Variants in MED13L observed in about 807,000 individuals in gnomAD.
MED13L encodes the protein mediator of RNA polymerase II transcription subunit 13-like.
In MED13L, 7 loss-of-function variants were observed where a neutral mutation model predicts 220.9. That is an observed-to-expected ratio of 0.03 (90% CI 0.02 to 0.06). The LOEUF is 0.06. Among genes scored for constraint, MED13L ranks in the 10% least tolerant of loss-of-function variants. The pLI is 1.00. For missense variants in MED13L, 1,965 were observed against 2,760.5 expected (o/e 0.71, Z 6.46); for synonymous variants, 1,011 against 1,015.2 (o/e 1.00, Z 0.08).
chr12:116,082,205 T>C (rs922973805), intron 4 of MED13L, among the ~76,000 whole-genome samples: 2 of 152,204 alleles, frequency 1.3e-5, no homozygotes, highest in African/African-American at 4.8e-5. Context: ...TTATTTCATG[T>C]CAAACATTCT....
intron 8 of MED13L, among the ~76,000 whole-genome samples, chr12:116,014,431 T>G (rs1879602731): frequency 6.6e-6 from 1 of 152,228 alleles, no homozygotes; most frequent in Admixed American, 6.5e-5. Flanking sequence ...ACATAAATCT[T>G]GATAAGTGGA....
chr12:116,198,641 C>G (rs754929991), intron 2 of MED13L, among the ~76,000 whole-genome samples: 4 of 152,142 alleles, frequency 2.6e-5, no homozygotes, highest in African/African-American at 7.2e-5. Context: ...GTTGCCATAA[C>G]TTAACAGTTT....
In MED13L at chr12:116,019,342, A is replaced by G. The variant is rs767206247; in HGVS notation, c.891T>C (p.Ser297=). The G allele has an allele frequency of 2.5e-6, 4 of 1,614,010 alleles. No individual in the cohort carries two copies. The South Asian group carries it at 3.3e-5, about 13-fold the overall frequency. ...CAATGTGGCCTCCAGCACTGGCAAC[A>G]CTCTGAGGAACCGGGATGTCATTCT... ...ISQNDIPVPQ[S]VASAGGHIAV... The change falls in exon 7 of 31, where the codon AGT becomes AGC. Residue 297 remains serine (S), a synonymous_variant. Coordinates refer to ENST00000281928, the MANE Select transcript of MED13L (RefSeq NM_015335.5).
At chr12:116,225,033 A>G (rs1156350439) in intron 2 of MED13L, among the ~76,000 whole-genome samples, 1 of 152,172 alleles carries the variant, frequency 6.6e-6, no homozygotes, top group Non-Finnish European at 1.5e-5. Flanking sequence ...GTGCTTTTAA[A>G]GCATCCTCTC....
intron 1 of MED13L, among the ~76,000 whole-genome samples, chr12:116,253,191 G>C (rs974902330): frequency 1.3e-5 from 2 of 151,380 alleles, no homozygotes; most frequent in Non-Finnish European, 2.9e-5. Flanking sequence ...GAACCTGGGT[G>C]GGGGAGGGGG....
At chr12:116,257,029 AGT>A (rs1316783491) in intron 1 of MED13L, among the ~76,000 whole-genome samples, 1 of 152,186 alleles carries the variant, frequency 6.6e-6, no homozygotes, top group African/African-American at 2.4e-5. Flanking sequence ...TCTCCTGGTA[AGT>A]GTAAATCGTT....
intron 4 of MED13L, among the ~76,000 whole-genome samples, chr12:116,030,517 G>A (rs1182232762): frequency 1.3e-5 from 2 of 151,986 alleles, no homozygotes; most frequent in Non-Finnish European, 2.9e-5. Context: ...CAATAAAACG[G>A]AAGGAAGAAA....
rs561444806 is a variant in MED13L, at chr12:116,014,846, C to T, written c.1175+263G>A. Among the ~76,000 whole-genome samples the T allele has an allele frequency of 2.6e-5, 4 of 152,244 alleles. No homozygotes were observed. In the South Asian group the frequency reaches 8.3e-4, roughly 32 times the overall value. On this transcript the variant is annotated intron_variant, in intron 8 of 30. Coordinates refer to ENST00000281928, the MANE Select transcript of MED13L (RefSeq NM_015335.5). ...GTGAATCCCTGTGCCAGCTGTGCTA[C>T]AAAATATTAGGTCAACACCATGCCA...
At chr12:115,965,990 T>A in intron 29 of MED13L, 92 bp downstream of exon 29, 1 of 1,441,502 alleles carries the variant, frequency 6.9e-7, no homozygotes, top group Non-Finnish European at 9.7e-7. Context: ...AGAATAAGAT[T>A]ATGGTGACTA....
chr12:115,968,894 T>TA, intron 28 of MED13L, 46 bp downstream of exon 28: 1 of 1,607,638 alleles, frequency 6.2e-7, no homozygotes, highest in Non-Finnish European at 8.5e-7. Flanking sequence ...ATTATCTTCC[T>TA]AAAGGCTATG....
At chr12:116,207,675 A>G (rs1172815570) in intron 2 of MED13L, among the ~76,000 whole-genome samples, 2 of 152,184 alleles carry the variant, frequency 1.3e-5, no homozygotes, top group African/African-American at 4.8e-5. Context: ...CATGGGAAAA[A>G]GAAGATACAG....
intron 2 of MED13L, among the ~76,000 whole-genome samples, chr12:116,224,718 C>A (rs1868787849): frequency 6.6e-6 from 1 of 152,186 alleles, no homozygotes; most frequent in South Asian, 2.1e-4. Context: ...CAATCTGTCA[C>A]CCAGGCTGGA....
At chr12:116,135,322 G>A (rs1285387994) in intron 2 of MED13L, among the ~76,000 whole-genome samples, 4 of 152,158 alleles carry the variant, frequency 2.6e-5, no homozygotes, top group Non-Finnish European at 5.9e-5. Context: ...ATGCTGAAAG[G>A]AAGCCTAAGT....
intron 4 of MED13L, among the ~76,000 whole-genome samples, chr12:116,047,578 A>T (rs1592984662): frequency 1.3e-5 from 2 of 152,242 alleles, no homozygotes; most frequent in East Asian, 3.8e-4. Flanking sequence ...GAAACAGAAA[A>T]TTAAAGAAAA....
intron 4 of MED13L, among the ~76,000 whole-genome samples, chr12:116,043,312 A>G (rs1258702711): frequency 2.6e-5 from 4 of 152,238 alleles, no homozygotes; most frequent in African/African-American, 7.2e-5. Context: ...TGCACTTGTA[A>G]TTCTTCCACT....
intron 4 of MED13L, among the ~76,000 whole-genome samples, chr12:116,059,331 A>AT (rs1339568364): frequency 6.6e-6 from 1 of 151,906 alleles, no homozygotes; most frequent in Non-Finnish European, 1.5e-5. Flanking sequence ...AAGTTTTGAG[A>AT]TTACAGGCAT....
chr12:116,163,990 G>T (rs1233340883), intron 2 of MED13L, among the ~76,000 whole-genome samples: 2 of 152,060 alleles, frequency 1.3e-5, no homozygotes, highest in African/African-American at 4.8e-5. Context: ...TTCTTCTTGG[G>T]AGAAAAAGGG....
chr12:116,264,426 C>T (rs1322347613), intron 1 of MED13L, among the ~76,000 whole-genome samples: 1 of 152,130 alleles, frequency 6.6e-6, no homozygotes, highest in Non-Finnish European at 1.5e-5. Flanking sequence ...AAAATGATTG[C>T]TGCAATCAAC....
At chr12:116,036,657 T>G (rs954908999) in intron 4 of MED13L, among the ~76,000 whole-genome samples, 1 of 152,200 alleles carries the variant, frequency 6.6e-6, no homozygotes, top group Non-Finnish European at 1.5e-5. Flanking sequence ...CTATTAAAAT[T>G]TTCAAAGTTG....
Sources: allele counts gnomAD v4.1 joint callset (sites outside exome capture counted in the v4.1 genomes callset), GRCh38; gene constraint gnomAD v4.1.1; transcripts MANE v1.5; gene names NCBI Gene and HGNC (gene_info 2026-07-23, HGNC 2026-07-21).